Variants in CACNA2D3 observed in about 807,000 individuals in gnomAD.
CACNA2D3 encodes the protein calcium voltage-gated channel auxiliary subunit alpha2delta 3.
In CACNA2D3, 60 loss-of-function variants were observed where a neutral mutation model predicts 160.6. The observed-to-expected ratio is 0.37, with a 90% CI of 0.30 to 0.46. The LOEUF (loss-of-function observed/expected upper bound fraction) is 0.46. Ranked by LOEUF, CACNA2D3 falls within the 20% of genes least tolerant of loss-of-function variation. The pLI is 1.00. For missense variants in CACNA2D3, 1,205 were observed against 1,365.0 expected, an observed-to-expected ratio of 0.88 and a Z score of 1.85; for synonymous variants, 558 against 492.9, an observed-to-expected ratio of 1.13 and a Z score of -1.75.
At chr3:54,455,203 A>G (rs1700376234) in intron 4 of CACNA2D3, among the ~76,000 whole-genome samples, 2 of 152,122 alleles carry the variant, frequency 1.3e-5, no homozygotes, top group Admixed American at 6.6e-5. Flanking sequence ...ACTAATTTAC[A>G]TTCCCACCAA....
At chr3:54,469,641 G>C (rs1700692974) in intron 4 of CACNA2D3, among the ~76,000 whole-genome samples, 1 of 152,020 alleles carries the variant, frequency 6.6e-6, no homozygotes, top group African/African-American at 2.4e-5. Flanking sequence ...CTGAGCTAAA[G>C]GAGCATGTTC....
intron 31 of CACNA2D3, among the ~76,000 whole-genome samples, chr3:54,990,772 T>C (rs770852574): frequency 6.6e-6 from 1 of 152,180 alleles, no homozygotes. Context: ...CATTGGCTGT[T>C]CTACCTGACA....
intron 2 of CACNA2D3, among the ~76,000 whole-genome samples, chr3:54,248,546 G>A (rs1702126865): frequency 6.6e-6 from 1 of 151,228 alleles, no homozygotes; most frequent in South Asian, 2.1e-4. Flanking sequence ...TAATCCAGTA[G>A]GACCGATGTC....
chr3:54,421,789 C>T (rs147866512), intron 4 of CACNA2D3, among the ~76,000 whole-genome samples: 27 of 152,058 alleles, frequency 1.8e-4, no homozygotes, highest in East Asian at 5.8e-4. Flanking sequence ...TTGCCCTAGG[C>T]GACTTCACGT....
chr3:54,838,118 A>G (rs1307702071), intron 15 of CACNA2D3, among the ~76,000 whole-genome samples: 2 of 152,044 alleles, frequency 1.3e-5, no homozygotes, highest in Non-Finnish European at 2.9e-5. Context: ...GTTATTATAT[A>G]TTTCTCTTGC....
chr3:54,389,062 T>C (rs1225338475), intron 4 of CACNA2D3, among the ~76,000 whole-genome samples: 1 of 152,136 alleles, frequency 6.6e-6, no homozygotes, highest in Non-Finnish European at 1.5e-5. Context: ...CCCAGCACGT[T>C]GGGAGGCCAA....
intron 13 of CACNA2D3, among the ~76,000 whole-genome samples, chr3:54,783,079 A>G (rs974165714): frequency 6.6e-6 from 1 of 152,156 alleles, no homozygotes; most frequent in Non-Finnish European, 1.5e-5. Context: ...AACAAATGGA[A>G]TTCAACCTTG....
At chr3:54,680,719 G>A (rs1700330133) in intron 11 of CACNA2D3, among the ~76,000 whole-genome samples, 1 of 152,210 alleles carries the variant, frequency 6.6e-6, no homozygotes. Context: ...GTGCCATCCT[G>A]TACAGAGACA....
intron 13 of CACNA2D3, among the ~76,000 whole-genome samples, chr3:54,804,437 C>G (rs1703067984): frequency 6.6e-6 from 1 of 152,104 alleles, no homozygotes. Context: ...TTTAAACCAA[C>G]AAAGATCAAA....
intron 13 of CACNA2D3, among the ~76,000 whole-genome samples, chr3:54,775,993 G>C (rs1388586063): frequency 6.6e-6 from 1 of 151,984 alleles, no homozygotes; most frequent in Non-Finnish European, 1.5e-5. Context: ...CAGTTTCCTG[G>C]TCTCCTCCCA....
chr3:54,969,860 G>A lies in CACNA2D3; in HGVS notation c.2556+16G>A, dbSNP rs780818151. ...TGATGATGAGGTAAGACGGCCTCCT[G>A]GTCCTGTTTCTACCCCTGTGGATAG... On this transcript the variant is annotated intron_variant, in intron 29 of 37. Transcript: ENST00000474759. 1.1e-4 allele frequency: 172 copies of A among 1,611,502 alleles called. No homozygotes were observed. Among genetic ancestry groups the A allele is most frequent in the Middle Eastern group, 3.3e-4 (2 of 6,080 alleles).
intron 16 of CACNA2D3, among the ~76,000 whole-genome samples, chr3:54,839,575 A>G (rs1009097661): frequency 6.6e-6 from 1 of 152,122 alleles, no homozygotes; most frequent in Non-Finnish European, 1.5e-5. Flanking sequence ...GCTGGTCTCC[A>G]TTTCTGGCCC....
At chr3:54,436,815 A>C (rs1428407606) in intron 4 of CACNA2D3, among the ~76,000 whole-genome samples, 2 of 151,910 alleles carry the variant, frequency 1.3e-5, no homozygotes, top group African/African-American at 2.4e-5. Context: ...CATTAGGACA[A>C]ATATGTAAGG....
chr3:55,073,613 G>C, intron 36 of CACNA2D3, 56 bp downstream of exon 36: 1 of 1,414,258 alleles, frequency 7.1e-7, no homozygotes, highest in Non-Finnish European at 1.0e-6. Context: ...AGGGGTATCA[G>C]TGGTAAGGAA....
At chr3:54,698,055 C>T (rs1700696574) in intron 11 of CACNA2D3, among the ~76,000 whole-genome samples, 1 of 152,302 alleles carries the variant, frequency 6.6e-6, no homozygotes, top group East Asian at 1.9e-4. Flanking sequence ...TTGCTGCTCT[C>T]TCTCCTTACT....
At chr3:54,744,734 C>A (rs1454566672) in intron 11 of CACNA2D3, among the ~76,000 whole-genome samples, 1 of 152,152 alleles carries the variant, frequency 6.6e-6, no homozygotes, top group Non-Finnish European at 1.5e-5. Flanking sequence ...TCCTTGGCTC[C>A]CTTTGTTTAG....
At chr3:54,304,457 A>C (rs1227075282) in intron 2 of CACNA2D3, among the ~76,000 whole-genome samples, 1 of 152,226 alleles carries the variant, frequency 6.6e-6, no homozygotes, top group Admixed American at 6.5e-5. Flanking sequence ...TGGCATGTAT[A>C]GGATGACCTC....
At chr3:54,324,577 C>T (rs2107511843) in intron 3 of CACNA2D3, among the ~76,000 whole-genome samples, 1 of 151,982 alleles carries the variant, frequency 6.6e-6, no homozygotes, top group East Asian at 1.9e-4. Flanking sequence ...TTTTTCACAC[C>T]CACGCAGAGG....
At chr3:54,797,955 G>T (rs544629658) in intron 13 of CACNA2D3, among the ~76,000 whole-genome samples, 14 of 152,248 alleles carry the variant, frequency 9.2e-5, no homozygotes, top group African/African-American at 3.4e-4. Flanking sequence ...TGAGAAATCT[G>T]GAAGATCTGC....
Sources: gnomAD v4.1 joint callset for allele counts (sites outside exome capture counted in the v4.1 genomes callset) on GRCh38, gnomAD v4.1.1 for gene constraint, MANE v1.5 for transcripts, NCBI Gene and HGNC (gene_info 2026-07-23, HGNC 2026-07-21) for gene names.